The following PTPRT variants were observed in gnomAD, a reference collection of about 807,000 sequenced individuals.
The protein encoded by PTPRT is receptor-type tyrosine-protein phosphatase T.
In PTPRT, 56 loss-of-function variants were observed where a neutral mutation model predicts 176.8. The observed-to-expected ratio is 0.32, with a 90% CI of 0.26 to 0.40. The LOEUF (loss-of-function observed/expected upper bound fraction) is 0.40. PTPRT is among the 10% of genes least tolerant of loss of function. The pLI, the probability that PTPRT is intolerant of heterozygous loss-of-function variation, is 1.00. For synonymous variants in PTPRT, 783 were observed against 739.0 expected (o/e 1.06, Z -0.96); for missense variants, 1,540 against 1,908.2 (o/e 0.81, Z 3.60).
At chr20:42,868,651 G>A (rs2078791910) in intron 2 of PTPRT, among the ~76,000 whole-genome samples, 1 of 152,192 alleles carries the variant, frequency 6.6e-6, no homozygotes, top group South Asian at 2.1e-4. Context: ...CTGAGTCAAT[G>A]TTTGATAAAA....
chr20:42,321,338 G>C (rs1423352272), intron 11 of PTPRT, among the ~76,000 whole-genome samples: 1 of 152,126 alleles, frequency 6.6e-6, no homozygotes, highest in African/African-American at 2.4e-5. Flanking sequence ...GAATCTCTAG[G>C]GGTAGGACCC....
chr20:42,469,404 C>T (rs1233161996), intron 8 of PTPRT, among the ~76,000 whole-genome samples: 1 of 152,072 alleles, frequency 6.6e-6, no homozygotes, highest in Non-Finnish European at 1.5e-5. Flanking sequence ...GGGGTTTCAC[C>T]ACAGTAGCCG....
chr20:42,268,543 A>G (rs1335254924), intron 13 of PTPRT, among the ~76,000 whole-genome samples: 1 of 152,212 alleles, frequency 6.6e-6, no homozygotes, highest in Non-Finnish European at 1.5e-5. Context: ...CCCTTTGGGA[A>G]GGGCCTCTGA....
chr20:43,052,634 T>C (rs915053377), intron 1 of PTPRT, among the ~76,000 whole-genome samples: 7 of 152,264 alleles, frequency 4.6e-5, no homozygotes, highest in Non-Finnish European at 8.8e-5. Flanking sequence ...AATAGGTTTA[T>C]TAAGATATAA....
downstream of PTPRT, among the ~76,000 whole-genome samples, chr20:42,071,561 A>G (rs2866942): frequency 0.29 from 43,967 of 152,128 alleles, 7,151 homozygotes; most frequent in South Asian, 0.4. Flanking sequence ...GTAATGGTGT[A>G]GGTGACCCAT....
Position 42,619,013 on chromosome 20 carries a change from T to C in PTPRT, c.1153+58853A>G, listed in dbSNP as rs1175202977. Among the ~76,000 whole-genome samples the C allele has an allele frequency of 2.6e-5, 4 of 151,906 alleles. No individual in the cohort carries two copies. The East Asian group carries it at 7.7e-4, about 29-fold the overall frequency. On this transcript the variant is annotated intron_variant, in intron 7 of 30. Coordinates refer to ENST00000373187, the MANE Select transcript of PTPRT (RefSeq NM_007050.6). ...GTTAGCTGGTGATTTTGCTCGTAAG[T>C]TGATGCAGTTTCTTCCTAGTCTCGA...
intron 19 of PTPRT, among the ~76,000 whole-genome samples, chr20:42,121,103 C>A (rs1300850544): frequency 6.6e-6 from 1 of 152,190 alleles, no homozygotes; most frequent in Non-Finnish European, 1.5e-5. Flanking sequence ...TTTATGGTGC[C>A]ACAGATGTGG....
At chr20:42,101,129 G>A (rs1203729830) in intron 26 of PTPRT, among the ~76,000 whole-genome samples, 1 of 152,206 alleles carries the variant, frequency 6.6e-6, no homozygotes, top group Non-Finnish European at 1.5e-5. Context: ...GCTGGGGAGG[G>A]GAAGCTGGAA....
At chr20:42,049,062 C>T in the PTPRT span, among the ~76,000 whole-genome samples, 12 of 152,278 alleles carry the variant, frequency 7.9e-5, no homozygotes, top group African/African-American at 2.4e-4. Flanking sequence ...TCAGGTGGTC[C>T]GCCTTCATCA....
chr20:43,011,757 G>A (rs1985137579), intron 1 of PTPRT, among the ~76,000 whole-genome samples: 1 of 152,218 alleles, frequency 6.6e-6, no homozygotes, highest in South Asian at 2.1e-4. Context: ...TGAGGGTGTT[G>A]CCAAAGGAGA....
At chr20:42,421,749 C>A (rs1354409749) in intron 9 of PTPRT, among the ~76,000 whole-genome samples, 1 of 152,112 alleles carries the variant, frequency 6.6e-6, no homozygotes, top group East Asian at 1.9e-4. Context: ...ATAGCCAACA[C>A]AATCCAGCAA....
chr20:43,083,369 T>TAA (rs1568774368), intron 1 of PTPRT, among the ~76,000 whole-genome samples: 23 of 110,230 alleles, frequency 2.1e-4, no homozygotes, highest in African/African-American at 7.3e-4. Flanking sequence ...TATATATATA[T>TAA]ACATTTTTTG....
chr20:42,115,050 G>T, intron 22 of PTPRT, 149 bp downstream of exon 22: 1 of 603,578 alleles, frequency 1.7e-6, no homozygotes, highest in Non-Finnish European at 3.0e-6. Flanking sequence ...CTGGTAGCAG[G>T]ACCCATGTCT....
At chr20:42,609,480 G>A (rs973827632) in intron 7 of PTPRT, among the ~76,000 whole-genome samples, 2 of 152,158 alleles carry the variant, frequency 1.3e-5, no homozygotes, top group African/African-American at 4.8e-5. Context: ...CTGAAGCCAC[G>A]AGAGGACACT....
intron 2 of PTPRT, among the ~76,000 whole-genome samples, chr20:42,796,289 C>T (rs1329205203): frequency 6.6e-6 from 1 of 152,202 alleles, no homozygotes; most frequent in Non-Finnish European, 1.5e-5. Flanking sequence ...GCCCAGTAGA[C>T]ATACATGACT....
intron 17 of PTPRT, among the ~76,000 whole-genome samples, chr20:42,155,771 G>A (rs946185244): frequency 6.6e-6 from 1 of 152,028 alleles, no homozygotes; most frequent in Admixed American, 6.6e-5. Context: ...CTGGGCTCTG[G>A]GCCCAGTCTC....
chr20:42,850,911 A>G (rs1255663096), intron 2 of PTPRT, among the ~76,000 whole-genome samples: 1 of 152,090 alleles, frequency 6.6e-6, no homozygotes, highest in African/African-American at 2.4e-5. Flanking sequence ...AGATGGGAAA[A>G]AACAAGCTGA....
At chr20:42,153,313 C>T (rs1989214316) in intron 17 of PTPRT, among the ~76,000 whole-genome samples, 1 of 152,152 alleles carries the variant, frequency 6.6e-6, no homozygotes, top group African/African-American at 2.4e-5. Flanking sequence ...CATATACTAT[C>T]AGCCTTTAGA....
At chr20:42,481,806 G>A (rs76622320) in intron 7 of PTPRT, among the ~76,000 whole-genome samples, 2,488 of 129,612 alleles carry the variant, frequency 0.019, 30 homozygotes, top group Admixed American at 0.031. Context: ...ACACACACAC[G>A]CGCGCATGTA....
Sources: gnomAD v4.1 joint callset for allele counts (sites outside exome capture counted in the v4.1 genomes callset) on GRCh38, gnomAD v4.1.1 for gene constraint, MANE v1.5 for transcripts, NCBI Gene and HGNC (gene_info 2026-07-23, HGNC 2026-07-21) for gene names.